ASAP1: variants seen among roughly 807,000 people sequenced by gnomAD.
ASAP1 encodes the protein arf-GAP with SH3 domain, ANK repeat and PH domain-containing protein 1.
Under a neutral mutation model 145.2 loss-of-function variants are expected in ASAP1, and 43 were observed. The ratio of observed to expected loss-of-function variants is 0.30; its 90% CI spans 0.23 to 0.38. The LOEUF (loss-of-function observed/expected upper bound fraction) is 0.38. Among genes scored for constraint, ASAP1 ranks in the 10% least tolerant of loss-of-function variants. The probability of loss-of-function intolerance (pLI) is 1.00; values close to 1 mark genes in which losing one functional copy is unlikely to be tolerated. For missense variants in ASAP1, 1,018 were observed against 1,355.3 expected, an observed-to-expected ratio of 0.75 and a Z score of 3.91; for synonymous variants, 546 against 515.5, an observed-to-expected ratio of 1.06 and a Z score of -0.80.
intron 26 of ASAP1, among the ~76,000 whole-genome samples, chr8:130,077,410 G>A (rs2097465228): frequency 6.6e-6 from 1 of 152,162 alleles, no homozygotes; most frequent in African/African-American, 2.4e-5. Context: ...AGGACACCAG[G>A]AGGCCTGCAT....
chr8:130,301,429 C>G (rs1376173249), intron 3 of ASAP1, among the ~76,000 whole-genome samples: 1 of 152,318 alleles, frequency 6.6e-6, no homozygotes, highest in Admixed American at 6.5e-5. Context: ...TTCTAGAATG[C>G]TCTAAAGGCA....
Position 130,077,059 on chromosome 8 carries a change from A to C in ASAP1, c.2643-653T>G, listed in dbSNP as rs148352533. On this transcript the variant is annotated intron_variant, in intron 26 of 29. Coordinates refer to ENST00000518721, the MANE Select transcript of ASAP1 (RefSeq NM_018482.4). ...TCTGTGTTTCCAGACAAGGAAATGG[A>C]AGGGAATGGGGGTGTTGGCGGCTGG... Among the ~76,000 whole-genome samples the C allele has an allele frequency of 9.4e-3, 1,426 of 152,268 alleles. 24 individuals are homozygous for C. Among genetic ancestry groups the C allele is most frequent in the African/African-American group, 0.033 (1,365 of 41,554 alleles).
At chr8:130,278,142 G>A (rs897403083) in intron 3 of ASAP1, among the ~76,000 whole-genome samples, 1 of 151,696 alleles carries the variant, frequency 6.6e-6, no homozygotes, top group Non-Finnish European at 1.5e-5. Flanking sequence ...CAAACCATGA[G>A]TTCTTTAACT....
chr8:130,096,861 C>G (rs1049739402), intron 24 of ASAP1, among the ~76,000 whole-genome samples: 2 of 151,978 alleles, frequency 1.3e-5, no homozygotes, highest in African/African-American at 4.8e-5. Context: ...CATGGTGGCT[C>G]ACATCTGTAA....
intron 29 of ASAP1, among the ~76,000 whole-genome samples, chr8:130,055,604 T>A (rs905074608): frequency 6.6e-6 from 1 of 151,866 alleles, no homozygotes; most frequent in African/African-American, 2.4e-5. Flanking sequence ...AAGAATACTG[T>A]GAAAGTTTGA....
At chr8:130,230,751 C>T (rs1817865621) in intron 4 of ASAP1, among the ~76,000 whole-genome samples, 1 of 152,096 alleles carries the variant, frequency 6.6e-6, no homozygotes, top group South Asian at 2.1e-4. Context: ...AAAAATCTGG[C>T]TATCCACAAA....
intron 3 of ASAP1, among the ~76,000 whole-genome samples, chr8:130,309,352 AC>A (rs779474628): frequency 7.9e-5 from 12 of 152,216 alleles, no homozygotes; most frequent in Non-Finnish European, 1.5e-4. Flanking sequence ...ACTCATCCTG[AC>A]TAACAGAGAG....
At chr8:130,189,471 T>C (rs185566012) in intron 5 of ASAP1, among the ~76,000 whole-genome samples, 1 of 152,322 alleles carries the variant, frequency 6.6e-6, no homozygotes, top group Admixed American at 6.5e-5. Flanking sequence ...ATCCATTTTG[T>C]GGCAAGTGGC....
chr8:130,428,686 G>T (rs1460796291), intron 1 of ASAP1, among the ~76,000 whole-genome samples: 1 of 142,308 alleles, frequency 7.0e-6, no homozygotes, highest in African/African-American at 2.6e-5. Context: ...ATCACCATCA[G>T]AACTACCACC....
chr8:130,262,796 A>C (rs995758850), intron 3 of ASAP1, among the ~76,000 whole-genome samples: 1 of 152,214 alleles, frequency 6.6e-6, no homozygotes, highest in African/African-American at 2.4e-5. Flanking sequence ...TTACTTCAGC[A>C]GAAGCATAAA....
chr8:130,389,626 T>C (rs1432290090), intron 2 of ASAP1, among the ~76,000 whole-genome samples: 2 of 152,196 alleles, frequency 1.3e-5, no homozygotes, highest in African/African-American at 2.4e-5. Context: ...AAAGTTCTGG[T>C]ACCAGCCAGA....
In ASAP1 at chr8:130,052,733, TTG is replaced by T. The variant is rs2097395546; in HGVS notation, c.*1996_*1997del. On this transcript the variant is annotated 3_prime_UTR_variant, in exon 30 of 30. Coordinates refer to ENST00000518721, the MANE Select transcript of ASAP1 (RefSeq NM_018482.4). ...CAGCTTTTGTGTTTTTTTTTTGTTTTTGTTTTTTTTTTTTTTTTGAAAAAAAC... is the reference window on the plus strand; with the variant it reads ...CAGCTTTTGTGTTTTTTTTTTGTTTTTTTTTTTTTTTTTTTTGAAAAAAAC... The T allele has an allele frequency of 7.5e-6, 1 of 133,372 alleles. No homozygotes were observed. Among genetic ancestry groups the T allele is most frequent in the Non-Finnish European group, 1.7e-5 (1 of 57,658 alleles). 8.3% of individuals were successfully genotyped at this position (133,372 alleles called of 1,614,324 possible). A position where few individuals can be genotyped will look rare whatever the true frequency, so the allele number is the denominator to read the frequency against.
chr8:130,276,728 A>ACACTCTCTCTCTCT (rs548512902), intron 3 of ASAP1, among the ~76,000 whole-genome samples: 285 of 87,294 alleles, frequency 3.3e-3, no homozygotes, highest in East Asian at 0.012. Context: ...ACACACACAC[A>ACACTCTCTCTCTCT]CTCTCTCTCT....
chr8:130,248,382 C>T (rs1818984466), intron 3 of ASAP1, among the ~76,000 whole-genome samples: 1 of 152,140 alleles, frequency 6.6e-6, no homozygotes, highest in South Asian at 2.1e-4. Flanking sequence ...AGAACAACCA[C>T]GTGCATGCCA....
chr8:130,389,273 C>A (rs566619917), intron 2 of ASAP1, among the ~76,000 whole-genome samples: 8 of 152,314 alleles, frequency 5.3e-5, no homozygotes, highest in Middle Eastern at 3.4e-3. Flanking sequence ...AGGGTGGAGA[C>A]TGCCTTCCTG....
intron 5 of ASAP1, among the ~76,000 whole-genome samples, chr8:130,201,966 C>G (rs1016090498): frequency 3.9e-5 from 6 of 152,178 alleles, no homozygotes; most frequent in African/African-American, 1.4e-4. Flanking sequence ...CAAACATATG[C>G]AAGCACACAG....
At chr8:130,186,117 A>G (rs761949957) in intron 7 of ASAP1, among the ~76,000 whole-genome samples, 1 of 152,156 alleles carries the variant, frequency 6.6e-6, no homozygotes, top group African/African-American at 2.4e-5. Context: ...GTCTCTGGGC[A>G]GCGGCAGTAC....
intron 3 of ASAP1, among the ~76,000 whole-genome samples, chr8:130,323,383 C>G (rs1212735333): frequency 6.6e-6 from 1 of 152,130 alleles, no homozygotes; most frequent in East Asian, 1.9e-4. Flanking sequence ...CTGAAAAGAA[C>G]AAATAAGCCT....
intron 2 of ASAP1, among the ~76,000 whole-genome samples, chr8:130,390,800 TG>T (rs1202334569): frequency 6.6e-6 from 1 of 152,146 alleles, no homozygotes; most frequent in Non-Finnish European, 1.5e-5. Context: ...TATGGAGACA[TG>T]GGAACTCTTG....
Sources: gnomAD v4.1 joint callset for allele counts (sites outside exome capture counted in the v4.1 genomes callset) on GRCh38, gnomAD v4.1.1 for gene constraint, MANE v1.5 for transcripts, NCBI Gene and HGNC (gene_info 2026-07-23, HGNC 2026-07-21) for gene names.